The following CPNE4 variants were observed in gnomAD, a reference collection of about 807,000 sequenced individuals.
CPNE4 encodes copine 4.
Under a neutral mutation model 67.9 loss-of-function variants are expected in CPNE4, and 25 were observed. The ratio of observed to expected loss-of-function variants is 0.37; its 90% confidence interval spans 0.27 to 0.51. The LOEUF is 0.51. CPNE4 is among the 20% of genes least tolerant of loss of function. The probability of loss-of-function intolerance (pLI) is 0.93; values close to 1 mark genes in which losing one functional copy is unlikely to be tolerated. For missense variants in CPNE4, 464 were observed against 690.8 expected, an observed-to-expected ratio of 0.67 and a Z score of 3.68; for synonymous variants, 242 against 244.9, an observed-to-expected ratio of 0.99 and a Z score of 0.11.
At chr3:131,718,260 C>T (rs971372209) in intron 3 of CPNE4, among the ~76,000 whole-genome samples, 2 of 152,130 alleles carry the variant, frequency 1.3e-5, no homozygotes, top group Admixed American at 1.3e-4. Context: ...GCTTGGATTA[C>T]AGGCGTGAGC....
upstream of CPNE4, among the ~76,000 whole-genome samples, chr3:132,037,278 T>C (rs1441645401): frequency 1.5e-5 from 1 of 68,168 alleles, no homozygotes; most frequent in Non-Finnish European, 2.9e-5. Context: ...GTTGCCTGCA[T>C]GCCAGTGCGC....
At chr3:131,685,763 A>G in intron 6 of CPNE4, 112 bp downstream of exon 6, 3 of 682,638 alleles carry the variant, frequency 4.4e-6, no homozygotes, top group Non-Finnish European at 7.5e-6. Flanking sequence ...CCTGGGTGAC[A>G]CAGCGAGACT....
At chr3:131,822,172 T>A (rs2084985738) in intron 2 of CPNE4, among the ~76,000 whole-genome samples, 1 of 152,216 alleles carries the variant, frequency 6.6e-6, no homozygotes, top group South Asian at 2.1e-4. Context: ...AAAATTTTTT[T>A]TCAAGTTTGA....
chr3:132,006,284 A>T (rs1317195), intron 1 of CPNE4, among the ~76,000 whole-genome samples: 119,626 of 151,992 alleles, frequency 0.79, 47,924 homozygotes, highest in South Asian at 0.88. Flanking sequence ...GCCATAGGAC[A>T]TCTGAAGAGT....
intron 14 of CPNE4, chr3:131,543,052 G>A (rs1935612256): frequency 4.8e-6 from 2 of 417,562 alleles, no homozygotes; most frequent in African/African-American, 2.0e-5. Flanking sequence ...AGCAGGCCAA[G>A]AGTTAGGAGG....
intron 11 of CPNE4, among the ~76,000 whole-genome samples, chr3:131,556,884 C>T (rs914457183): frequency 1.3e-5 from 2 of 152,020 alleles, no homozygotes; most frequent in African/African-American, 4.8e-5. Flanking sequence ...TGTACCAGCC[C>T]CCTGCTAGAT....
In CPNE4 at chr3:131,801,844, C is replaced by G. The variant is rs138894494; in HGVS notation, c.181-78219G>C. On this transcript the variant is annotated intron_variant, in intron 2 of 15. Coordinates refer to ENST00000429747, the MANE Select transcript of CPNE4 (RefSeq NM_130808.3). ...GGTACATTGCCTAGTGGCAATGCCT[C>G]CAAGCCGCGCTAGGATTTGAAAAGA... is the stretch of plus-strand genomic sequence containing the variant. Among the ~76,000 whole-genome samples the G allele has an allele frequency of 3.1e-3, 395 of 125,600 alleles. 1 individual carries two copies. Among genetic ancestry groups the G allele is most frequent in the African/African-American group, 0.011 (372 of 32,832 alleles). The allele number at this position is 125,600 out of a possible 152,430, so 82.4% of individuals were successfully genotyped here.
intron 2 of CPNE4, among the ~76,000 whole-genome samples, chr3:131,782,583 T>C (rs773415188): frequency 3.3e-5 from 5 of 152,082 alleles, no homozygotes; most frequent in African/African-American, 4.8e-5. Context: ...ACATGATTTC[T>C]GGAATTAGGC....
intron 2 of CPNE4, among the ~76,000 whole-genome samples, chr3:131,896,517 A>T (rs115531440): frequency 0.017 from 2,598 of 152,238 alleles, 36 homozygotes; most frequent in Middle Eastern, 0.082. Flanking sequence ...TAATAGGGAA[A>T]ATATGTATGT....
At chr3:131,800,813 C>T (rs2084071683) in intron 2 of CPNE4, among the ~76,000 whole-genome samples, 1 of 152,098 alleles carries the variant, frequency 6.6e-6, no homozygotes, top group Non-Finnish European at 1.5e-5. Flanking sequence ...TGGAAGAAGG[C>T]CAGGCCAAAA....
Position 131,542,813 on chromosome 3 carries a change from G to C in CPNE4, c.1303-20C>G. 1.4e-6 allele frequency: 2 copies of C among 1,382,558 alleles called. No homozygotes were observed. Among genetic ancestry groups the C allele is most frequent in the Non-Finnish European group, 1.9e-6 (2 of 1,039,876 alleles). 85.6% of individuals were successfully genotyped at this position (1,382,558 alleles called of 1,614,324 possible). Reference sequence around the variant, plus strand: ...GTATTGCTGCAGTCAGATGCCCCATGATGATGGGGGGGGGTGAAGAGGTGA... The same window carrying C: ...GTATTGCTGCAGTCAGATGCCCCATCATGATGGGGGGGGGTGAAGAGGTGA... On this transcript the variant is annotated intron_variant, in intron 14 of 15. Transcript: ENST00000429747.
rs1242079480 is a variant in CPNE4 at position 131,587,559 on chromosome 3, G to A, written c.705C>T (p.Ser235=). The A allele has an allele frequency of 1.5e-5, 24 of 1,612,990 alleles. No individual in the cohort carries two copies. Among genetic ancestry groups the A allele is most frequent in the Non-Finnish European group, 2.0e-5 (23 of 1,179,222 alleles). Residue 235 remains serine (S), a synonymous_variant, in exon 8 of 16, where the codon TCC becomes TCT. Coordinates refer to ENST00000429747, the MANE Select transcript of CPNE4 (RefSeq NM_130808.3). ...CTCCAATGAAGTCATGCTTGCCATT[G>A]GAGTCCCAGTCCCATACTATGCACT... ...RLKCIVWDWD[S]NGKHDFIGEF...
chr3:131,774,700 G>C (rs536371413), intron 2 of CPNE4, among the ~76,000 whole-genome samples: 1 of 152,188 alleles, frequency 6.6e-6, no homozygotes, highest in Non-Finnish European at 1.5e-5. Flanking sequence ...CCAAGAACTA[G>C]AGGAAAGCTA....
chr3:131,536,791 T>C (rs1935171593), intron 15 of CPNE4, among the ~76,000 whole-genome samples: 1 of 152,232 alleles, frequency 6.6e-6, no homozygotes, highest in Admixed American at 6.5e-5. Context: ...CTCAGGGTTG[T>C]GTGTTAGACC....
chr3:131,561,765 T>C (rs1302026589), intron 11 of CPNE4, among the ~76,000 whole-genome samples: 1 of 152,006 alleles, frequency 6.6e-6, no homozygotes, highest in Non-Finnish European at 1.5e-5. Flanking sequence ...CTGACTTTGA[T>C]GTGAGAATAA....
At chr3:131,829,875 C>T (rs2085303028) in intron 2 of CPNE4, among the ~76,000 whole-genome samples, 1 of 152,132 alleles carries the variant, frequency 6.6e-6, no homozygotes, top group Non-Finnish European at 1.5e-5. Context: ...TCAATTAAGT[C>T]ATTAGTGATG....
rs79420191 is a variant in CPNE4 at position 131,573,204 on chromosome 3, C to T, written c.927+1867G>A. On this transcript the variant is annotated intron_variant, in intron 10 of 15. Transcript: ENST00000429747. ...TGGGGAGGAACTATTGTTGGCTGCC[C>T]CCTTCTCCTCAGCATTCATCTGTAC... Among the ~76,000 whole-genome samples, 264 of 152,124 alleles carry T rather than the reference C, an allele frequency of 1.7e-3. 6 individuals carry two copies. The East Asian group carries it at 0.05, about 29-fold the overall frequency.
chr3:131,547,514 C>A lies in CPNE4; in HGVS notation c.1302+2433G>T, dbSNP rs1364947796. The stretch of plus-strand genomic sequence containing the variant: ...AAAAAAAAAAAAACCTAATAGTGTT[C>A]ATGGCTTCTGAAAAGAAGAGGAAAA... On this transcript the variant is annotated intron_variant, in intron 14 of 15. Transcript: ENST00000429747. 1.0e-3 allele frequency among the ~76,000 whole-genome samples: 110 copies of A among 107,966 alleles called. No individual in the cohort carries two copies. In the Admixed American group the frequency reaches 0.011, roughly 11 times the overall value. 70.8% of individuals were successfully genotyped at this position (107,966 alleles called of 152,430 possible).
At chr3:131,645,500 C>A (rs549759108) in intron 7 of CPNE4, among the ~76,000 whole-genome samples, 2 of 152,266 alleles carry the variant, frequency 1.3e-5, no homozygotes, top group South Asian at 2.1e-4. Context: ...ATTCTTACAA[C>A]TCTATGGGAC....
Sources: allele counts gnomAD v4.1 joint callset (sites outside exome capture counted in the v4.1 genomes callset), GRCh38; gene constraint gnomAD v4.1.1; transcripts MANE v1.5; gene names NCBI Gene and HGNC (gene_info 2026-07-23, HGNC 2026-07-21).